ESRRG: variants seen among roughly 807,000 people sequenced by gnomAD.
ESRRG encodes the protein estrogen-related receptor gamma.
A neutral mutation model predicts 44.0 loss-of-function variants in ESRRG; 13 were observed. The ratio of observed to expected loss-of-function variants is 0.30; its 90% CI spans 0.19 to 0.47. ESRRG has a LOEUF of 0.47. ESRRG is among the 20% of genes least tolerant of loss of function. ESRRG has a pLI of 1.00. For synonymous variants in ESRRG, 215 were observed against 214.6 expected (o/e 1.00, Z -0.02); for missense variants, 395 against 580.6 (o/e 0.68, Z 3.29).
intron 1 of ESRRG, among the ~76,000 whole-genome samples, chr1:217,070,747 A>G (rs567908168): frequency 1.3e-5 from 2 of 152,316 alleles, no homozygotes; most frequent in South Asian, 2.1e-4. Context: ...AAATGTACCT[A>G]TACTTCTCTC....
chr1:216,981,207 C>A (rs1402212545), intron 1 of ESRRG, among the ~76,000 whole-genome samples: 1 of 152,104 alleles, frequency 6.6e-6, no homozygotes, highest in Non-Finnish European at 1.5e-5. Flanking sequence ...CTATCATAAC[C>A]ACAATACTCA....
intron 2 of ESRRG, among the ~76,000 whole-genome samples, chr1:216,732,110 T>G (rs57602377): frequency 7.3e-6 from 1 of 136,694 alleles, no homozygotes; most frequent in African/African-American, 2.7e-5. Context: ...AAATAAAAAA[T>G]AAAAAAAGAA....
chr1:216,599,559 C>T (rs772898721), intron 3 of ESRRG, among the ~76,000 whole-genome samples: 12 of 152,128 alleles, frequency 7.9e-5, no homozygotes, highest in Non-Finnish European at 1.6e-4. Flanking sequence ...AAAGAGCCCA[C>T]TTAATAATGT....
chr1:216,855,094 T>C (rs2095907164), intron 2 of ESRRG: 1 of 152,186 alleles, frequency 6.6e-6, no homozygotes, highest in Non-Finnish European at 1.5e-5. Context: ...AGGCTCCATT[T>C]TGGAAGAATT....
At chr1:217,093,839 T>A (rs2092386271), upstream of ESRRG, among the ~76,000 whole-genome samples, 1 of 151,518 alleles carries the variant, frequency 6.6e-6, no homozygotes. Flanking sequence ...AAACTGCCCT[T>A]TTTTAATGAG....
intron 2 of ESRRG, among the ~76,000 whole-genome samples, chr1:216,758,033 T>G (rs1217399512): frequency 6.6e-6 from 1 of 152,060 alleles, no homozygotes; most frequent in Non-Finnish European, 1.5e-5. Context: ...CTTGGAAAAC[T>G]TGTCATGAAA....
intron 2 of ESRRG, among the ~76,000 whole-genome samples, chr1:216,777,684 T>C (rs1230726777): frequency 1.3e-5 from 2 of 152,118 alleles, no homozygotes; most frequent in African/African-American, 4.8e-5. Flanking sequence ...ATTTCTATGG[T>C]CCCAACATCT....
intron 1 of ESRRG, among the ~76,000 whole-genome samples, chr1:216,991,218 C>T (rs940146858): frequency 6.6e-6 from 1 of 152,084 alleles, no homozygotes; most frequent in Admixed American, 6.6e-5. Flanking sequence ...GAAAAATTAT[C>T]TTCCACAAAA....
At chr1:216,685,486 A>C (rs1390335929) in intron 1 of ESRRG, among the ~76,000 whole-genome samples, 7 of 152,186 alleles carry the variant, frequency 4.6e-5, no homozygotes, top group Non-Finnish European at 1.5e-5. Flanking sequence ...GTCAAGGAGC[A>C]CACCAAAGAG....
intron 2 of ESRRG, among the ~76,000 whole-genome samples, chr1:216,773,971 C>G (rs1049807947): frequency 6.6e-6 from 1 of 151,870 alleles, no homozygotes; most frequent in Non-Finnish European, 1.5e-5. Context: ...TTACTAATAC[C>G]TTAGAGTATG....
At chr1:216,600,341 CT>C (rs1301865194) in intron 3 of ESRRG, among the ~76,000 whole-genome samples, 1 of 152,014 alleles carries the variant, frequency 6.6e-6, no homozygotes, top group South Asian at 2.1e-4. Flanking sequence ...CTATGGACTT[CT>C]TTGGGTAATA....
intron 2 of ESRRG, among the ~76,000 whole-genome samples, chr1:216,817,466 A>G (rs2095174447): frequency 6.6e-6 from 1 of 152,160 alleles, no homozygotes; most frequent in Non-Finnish European, 1.5e-5. Context: ...AACAACTTTT[A>G]CTCAAACCTT....
chr1:216,751,563 C>T (rs1478499897), intron 2 of ESRRG, among the ~76,000 whole-genome samples: 2 of 152,006 alleles, frequency 1.3e-5, no homozygotes, highest in Non-Finnish European at 2.9e-5. Context: ...CACTGCCTGC[C>T]CCTCCACTCC....
intron 5 of ESRRG, among the ~76,000 whole-genome samples, chr1:216,523,503 T>G (rs1000020445): frequency 4.1e-5 from 2 of 48,682 alleles, no homozygotes; most frequent in Non-Finnish European, 7.0e-5. Flanking sequence ...TTTTTTTTTG[T>G]TTTTTTTTTT....
intron 1 of ESRRG, among the ~76,000 whole-genome samples, chr1:216,972,169 C>A (rs2071819895): frequency 6.6e-6 from 1 of 152,116 alleles, no homozygotes; most frequent in Non-Finnish European, 1.5e-5. Context: ...CAACTACCAA[C>A]CTGATATGCT....
At chr1:216,575,008 C>A (rs1434482822) in intron 3 of ESRRG, among the ~76,000 whole-genome samples, 1 of 152,082 alleles carries the variant, frequency 6.6e-6, no homozygotes, top group Admixed American at 6.6e-5. Flanking sequence ...AGAGAAAACA[C>A]CCCTTAGAAG....
At chr1:216,727,486 T>A (rs1046250495), upstream of ESRRG, among the ~76,000 whole-genome samples, 37 of 152,096 alleles carry the variant, frequency 2.4e-4, no homozygotes, top group African/African-American at 7.2e-4. Context: ...CATTTCCTCA[T>A]CTGAAAATTG....
chr1:216,895,821 T>C (rs937307818), intron 2 of ESRRG, among the ~76,000 whole-genome samples: 2 of 152,328 alleles, frequency 1.3e-5, no homozygotes, highest in South Asian at 2.1e-4. Flanking sequence ...TTTTTCTTTT[T>C]AATAACTTAA....
At position 216,504,459 on chromosome 1, in the gene ESRRG, G is replaced by C. The variant is rs2040871427; in HGVS notation, c.*2480C>G. On this transcript the variant is annotated 3_prime_UTR_variant, in exon 7 of 7. Transcript: ENST00000408911. ...ATGATTTATCTAGAATCACACTACA[G>C]TCACTTCTCTACTGAGAAACCACAA... The C allele has an allele frequency of 1.3e-5, 2 of 152,486 alleles. No individual in the cohort carries two copies. Among genetic ancestry groups the C allele is most frequent in the South Asian group, 2.1e-4 (1 of 4,826 alleles). 9.4% of individuals were successfully genotyped at this position (152,486 alleles called of 1,614,324 possible). A position where few individuals can be genotyped will look rare whatever the true frequency, so the allele number is the denominator to read the frequency against.
Sources: allele counts gnomAD v4.1 joint callset (sites outside exome capture counted in the v4.1 genomes callset), GRCh38; gene constraint gnomAD v4.1.1; transcripts MANE v1.5; gene names NCBI Gene and HGNC (gene_info 2026-07-23, HGNC 2026-07-21).